The following MED23 variants were observed in gnomAD, a reference collection of about 807,000 sequenced individuals.
The protein encoded by MED23 is mediator complex subunit 23.
In MED23, 105 loss-of-function variants were observed where a neutral mutation model predicts 163.9. That is an observed-to-expected ratio of 0.64 (90% CI 0.55 to 0.75). MED23 has a LOEUF of 0.75. Ranked by LOEUF, MED23 falls within the 30% of genes least tolerant of loss-of-function variation. The pLI is 0.00. For missense variants in MED23, 1,054 were observed against 1,649.0 expected (o/e 0.64, Z 6.25); for synonymous variants, 561 against 565.6 (o/e 0.99, Z 0.12).
chr6:131,604,422 G>C, intron 14 of MED23, 102 bp from the exon 15 acceptor site: 2 of 1,275,970 alleles, frequency 1.6e-6, no homozygotes, highest in Non-Finnish European at 2.2e-6. Flanking sequence ...GAACTTAAAT[G>C]ATTCAAATGA....
chr6:131,626,654 C>A (rs984821952), intron 3 of MED23, among the ~76,000 whole-genome samples: 7 of 152,092 alleles, frequency 4.6e-5, no homozygotes, highest in African/African-American at 1.7e-4. Context: ...TTATTGGATC[C>A]ACCCTTTTAT....
Position 131,628,226 on chromosome 6 carries a change from G to A in MED23, c.-177C>T. 3 of 696,092 alleles carry A rather than the reference G, an allele frequency of 4.3e-6. No individual in the cohort carries two copies. The highest frequency in any genetic ancestry group is 7.5e-6 in the Non-Finnish European group (3 of 398,014). 43.1% of individuals were successfully genotyped at this position (696,092 alleles called of 1,614,324 possible). On this transcript the variant is annotated 5_prime_UTR_variant, in exon 1 of 29. Coordinates refer to ENST00000368068, the MANE Select transcript of MED23 (RefSeq NM_004830.4). Reference sequence around the variant, plus strand: ...CCCTCCCGAGCCCAGCCAACAGCAGGAACCTGTACGGAAGACGGGAAGGGC... The same window carrying A: ...CCCTCCCGAGCCCAGCCAACAGCAGAAACCTGTACGGAAGACGGGAAGGGC...
downstream of MED23, among the ~76,000 whole-genome samples, chr6:131,585,883 G>A (rs1475546499): frequency 6.6e-6 from 1 of 152,152 alleles, no homozygotes; most frequent in Admixed American, 6.5e-5. Context: ...AGGGAAAACT[G>A]AATTTGTAAT....
intron 15 of MED23, among the ~76,000 whole-genome samples, chr6:131,603,471 T>C (rs1775631028): frequency 6.6e-6 from 1 of 152,090 alleles, no homozygotes; most frequent in African/African-American, 2.4e-5. Context: ...AGACAAGATA[T>C]GAAAAAACAT....
chr6:131,605,736 A>G (rs1391154682), intron 13 of MED23, among the ~76,000 whole-genome samples: 2 of 152,208 alleles, frequency 1.3e-5, no homozygotes, highest in Non-Finnish European at 2.9e-5. Context: ...TATGACCACC[A>G]TATTAGGCTA....
chr6:131,597,106 T>C (rs1367240387), intron 20 of MED23, among the ~76,000 whole-genome samples: 3 of 152,208 alleles, frequency 2.0e-5, no homozygotes, highest in Non-Finnish European at 4.4e-5. Context: ...CGTTAAACTA[T>C]GCCACTCCAA....
intron 30 of MED23, chr6:131,576,774 C>T (rs769118957): frequency 1.9e-6 from 3 of 1,557,978 alleles, no homozygotes; most frequent in Non-Finnish European, 2.7e-6. Flanking sequence ...CTGATTTCCT[C>T]CCCACTCTGA....
chr6:131,574,917 T>C (rs895967743), intron 30 of MED23, among the ~76,000 whole-genome samples: 24 of 152,200 alleles, frequency 1.6e-4, no homozygotes, highest in African/African-American at 5.8e-4. Flanking sequence ...CCAGACAAGA[T>C]AATCTGATTC....
chr6:131,581,724 TCTC>T (rs1385879758), intron 30 of MED23, among the ~76,000 whole-genome samples: 5 of 152,170 alleles, frequency 3.3e-5, no homozygotes, highest in African/African-American at 1.2e-4. Context: ...TAGCACCAGG[TCTC>T]CTCATTCCTT....
chr6:131,620,638 A>C lies in MED23; in HGVS notation c.587T>G (p.Leu196Arg). Residue 196 changes from leucine (L) to arginine (R), a missense_variant, in exon 7 of 29, where the codon CTT (leucine) becomes CGT (arginine). By Grantham distance (102) the Leu-to-Arg change is moderately radical. Coordinates refer to ENST00000368068, the MANE Select transcript of MED23 (RefSeq NM_004830.4). ...AAATATAAAATTTACCCAGTGTGGA[A>C]GTTTGCCTTCAGGATACAGTTTCCT... ...EIRKLYPEGK[L>R]PHWLLGNLVS... The C allele has an allele frequency of 6.2e-7, 1 of 1,609,130 alleles. No individual in the cohort carries two copies. Among genetic ancestry groups the C allele is most frequent in the South Asian group, 1.1e-5 (1 of 90,948 alleles).
intron 30 of MED23, among the ~76,000 whole-genome samples, chr6:131,578,448 C>T (rs1444684806): frequency 6.6e-6 from 1 of 152,128 alleles, no homozygotes; most frequent in Non-Finnish European, 1.5e-5. Context: ...TTTTAGGGAG[C>T]ACACCCAGTC....
At chr6:131,596,251 T>C in intron 21 of MED23, 88 bp from the exon 22 acceptor site, 1 of 1,248,362 alleles carries the variant, frequency 8.0e-7, no homozygotes, top group Non-Finnish European at 1.2e-6. Context: ...TGTTTAGATT[T>C]TTTTTTGCAA....
In MED23 at chr6:131,628,188, T is replaced by G; in HGVS notation, c.-139A>C. ...GGCGTCGCTTCCTCCCCCAGCGCTT[T>G]ACCTGGAGCGTTCCCTCCCGAGCCC... On this transcript the variant is annotated 5_prime_UTR_variant, in exon 1 of 29. Transcript: ENST00000368068. 1.4e-5 allele frequency: 13 copies of G among 947,810 alleles called. No homozygotes were observed. The highest frequency in any genetic ancestry group is 1.7e-5 in the Non-Finnish European group (10 of 598,364). The allele number at this position is 947,810 out of a possible 1,614,324, so 58.7% of individuals were successfully genotyped here.
chr6:131,590,184 TA>T, intron 27 of MED23, 137 bp downstream of exon 27: 1 of 761,724 alleles, frequency 1.3e-6, no homozygotes, highest in Non-Finnish European at 2.2e-6. Context: ...CTAAGTCCTC[TA>T]AAATTGCTCT....
chr6:131,617,245 A>G (rs1259076879), intron 9 of MED23, among the ~76,000 whole-genome samples: 1 of 151,450 alleles, frequency 6.6e-6, no homozygotes, highest in African/African-American at 2.4e-5. Flanking sequence ...CTGGGGACAT[A>G]GCATTTTGAT....
intron 5 of MED23, 56 bp downstream of exon 5, chr6:131,623,295 A>G (rs1777241750): frequency 2.2e-6 from 3 of 1,356,216 alleles, no homozygotes; most frequent in Admixed American, 3.4e-5. Context: ...AGACATGCAC[A>G]CCGAAAAATC....
At chr6:131,578,025 T>C (rs1365939046) in intron 30 of MED23, among the ~76,000 whole-genome samples, 1 of 151,892 alleles carries the variant, frequency 6.6e-6, no homozygotes, top group Non-Finnish European at 1.5e-5. Flanking sequence ...TACGACATTC[T>C]GGAAAGACAA....
At position 131,598,960 on chromosome 6, in the gene MED23, T is replaced by G. The variant is rs1775269741; in HGVS notation, c.2221-199A>C. Among the ~76,000 whole-genome samples, 1 of 152,236 alleles carries G rather than the reference T, an allele frequency of 6.6e-6. No individual in the cohort carries two copies. The highest frequency in any genetic ancestry group is 2.4e-5 in the African/African-American group (1 of 41,474). ...AGATTATCTCCAAGATTCCTTTTCC[T>G]AGATTTCCTAAATGGAAATTCTAAG... is the stretch of plus-strand genomic sequence containing the variant. On this transcript the variant is annotated intron_variant, in intron 18 of 28. Transcript: ENST00000368068. The surrounding 1 kb of genome is among the most constrained non-coding windows in gnomAD (Gnocchi z 4.7).
rs1477735458 is a variant in MED23 at position 131,624,910 on chromosome 6, T to A, written c.239A>T (p.Tyr80Phe). 6.2e-7 allele frequency: 1 copy of A among 1,613,946 alleles called. No homozygotes were observed. The highest frequency in any genetic ancestry group is 8.5e-7 in the Non-Finnish European group (1 of 1,179,970). ...CTCAACTGCCATTGCTAAGCAGTCA[T>A]AAAGAAAAGAAATTCTTTTAGGACT... is the stretch of plus-strand genomic sequence containing the variant. ...QHSPKRISFL[Y>F]DCLAMAVETG... Residue 80 changes from tyrosine to phenylalanine, a missense_variant, in exon 4 of 29, where the codon TAT becomes TTT. By Grantham distance (22) the Tyr-to-Phe change is conservative. Transcript: ENST00000368068.
Sources: allele counts gnomAD v4.1 joint callset (sites outside exome capture counted in the v4.1 genomes callset), GRCh38; gene constraint gnomAD v4.1.1; non-coding constraint Gnocchi (gnomAD v3.1); transcripts MANE v1.5; gene names NCBI Gene and HGNC (gene_info 2026-07-23, HGNC 2026-07-21).